Variants in DCT observed in about 807,000 individuals in gnomAD.
DCT encodes dopachrome tautomerase, also known as L-dopachrome tautomerase.
In DCT, 47 loss-of-function variants were observed where a neutral mutation model predicts 53.0. The ratio of observed to expected loss-of-function variants is 0.89; its 90% CI spans 0.70 to 1.13. DCT has a LOEUF of 1.13. Ranked by LOEUF, DCT falls within the 50% of genes most tolerant of loss-of-function variation. DCT has a pLI of 0.00. For synonymous variants in DCT, 244 were observed against 237.0 expected, an observed-to-expected ratio of 1.03 and a Z score of -0.27; for missense variants, 669 against 637.4, an observed-to-expected ratio of 1.05 and a Z score of -0.53.
chr13:94,484,386 T>C (rs1885574961), upstream of DCT, among the ~76,000 whole-genome samples: 1 of 152,230 alleles, frequency 6.6e-6, no homozygotes, highest in Admixed American at 6.5e-5. Flanking sequence ...TAAAGCCTTA[T>C]GTCATTTTCA....
chr13:94,488,723 T>TATACACAC, the DCT span, among the ~76,000 whole-genome samples: 2 of 139,132 alleles, frequency 1.4e-5, no homozygotes, highest in Admixed American at 7.5e-5. Context: ...GTCTAATATA[T>TATACACAC]ACACACACAC....
At chr13:94,509,262 A>G in the DCT span, among the ~76,000 whole-genome samples, 1 of 152,204 alleles carries the variant, frequency 6.6e-6, no homozygotes, top group Non-Finnish European at 1.5e-5. Flanking sequence ...GTGGGAGGCC[A>G]TGCAGTATGG....
At chr13:94,496,223 G>A in the DCT span, among the ~76,000 whole-genome samples, 1 of 152,048 alleles carries the variant, frequency 6.6e-6, no homozygotes, top group Admixed American at 6.6e-5. Context: ...TTAAGATGGA[G>A]TCTCACTGTC....
Position 94,443,563 on chromosome 13 carries a change from A to C in DCT, c.1254T>G (p.Pro418=), listed in dbSNP as rs748267419. The change falls in exon 7 of 8, where the codon CCT becomes CCG. Residue 418 remains proline (P), a synonymous_variant. Transcript: ENST00000377028. ...TGTGACCAATAGGGGCCAGCTCCTG[A>C]GGCCAGGCATCTGCAGGAGGATTAA... ...KRFNPPADAW[P]QELAPIGHNR... is the part of the protein sequence containing the mutation. 1 of 1,613,992 alleles carries C rather than the reference A, an allele frequency of 6.2e-7. No individual in the cohort carries two copies. The highest frequency in any genetic ancestry group is 8.5e-7 in the Non-Finnish European group (1 of 1,179,848).
At chr13:94,462,484 A>T (rs1408423085) in intron 4 of DCT, among the ~76,000 whole-genome samples, 1 of 151,514 alleles carries the variant, frequency 6.6e-6, no homozygotes, top group Non-Finnish European at 1.5e-5. Flanking sequence ...TTAGTGACAG[A>T]GTGAGACCCT....
At chr13:94,510,031 AT>A in the DCT span, among the ~76,000 whole-genome samples, 68,937 of 151,886 alleles carry the variant, frequency 0.45, 16,907 homozygotes, top group African/African-American at 0.63. Flanking sequence ...AATCTTACTC[AT>A]TGGCAGCATC....
chr13:94,503,344 C>T, the DCT span, among the ~76,000 whole-genome samples: 2 of 149,076 alleles, frequency 1.3e-5, no homozygotes, highest in African/African-American at 5.0e-5. Context: ...CACGCCACTG[C>T]ACTGCAGCTA....
chr13:94,449,709 A>G (rs1450663831), intron 6 of DCT, among the ~76,000 whole-genome samples: 2 of 152,234 alleles, frequency 1.3e-5, no homozygotes, highest in Non-Finnish European at 2.9e-5. Flanking sequence ...TCATTCCTAA[A>G]AAATATATTT....
chr13:94,458,961 C>G (rs1012469383), intron 6 of DCT, among the ~76,000 whole-genome samples: 2 of 152,044 alleles, frequency 1.3e-5, no homozygotes, highest in Non-Finnish European at 2.9e-5. Context: ...ACTGCAGCCT[C>G]GACCTCCCAG....
At chr13:94,471,793 C>T (rs946839095) in intron 1 of DCT, among the ~76,000 whole-genome samples, 1 of 152,166 alleles carries the variant, frequency 6.6e-6, no homozygotes, top group Non-Finnish European at 1.5e-5. Context: ...AATGTCTAGT[C>T]ACTTCTCTGC....
At chr13:94,488,795 A>G in the DCT span, among the ~76,000 whole-genome samples, 2 of 150,306 alleles carry the variant, frequency 1.3e-5, no homozygotes, top group East Asian at 1.9e-4. Flanking sequence ...ACATATACAC[A>G]CACATATACA....
chr13:94,544,034 C>CA, the DCT span, among the ~76,000 whole-genome samples: 7,207 of 121,974 alleles, frequency 0.059, 442 homozygotes, highest in African/African-American at 0.19. Flanking sequence ...GACTCTGTCT[C>CA]AAAAAAAAAA....
Position 94,468,835 on chromosome 13 carries a change from G to C in DCT, c.506C>G (p.Pro169Arg). The C allele has an allele frequency of 6.2e-7, 1 of 1,614,140 alleles. No individual in the cohort carries two copies. Among genetic ancestry groups the C allele is most frequent in the Non-Finnish European group, 8.5e-7 (1 of 1,180,010 alleles). The part of the protein sequence containing the change: ...TTQHWLGLLG[P>R]NGTQPQFANC... ...GGCAAACTGCGGCTGGGTTCCATTG[G>C]GCCCAAGCAGGCCCAGCCAGTGTTG... The change falls in exon 2 of 8, where the codon CCC becomes CGC. Residue 169 changes from proline to arginine, a missense_variant. Physicochemically the swap from Pro to Arg is moderately radical, Grantham distance 103. Coordinates refer to ENST00000377028, the MANE Select transcript of DCT (RefSeq NM_001922.5).
At chr13:94,515,533 C>T in the DCT span, among the ~76,000 whole-genome samples, 17 of 152,314 alleles carry the variant, frequency 1.1e-4, no homozygotes, top group South Asian at 3.3e-3. Context: ...AATACTGAAT[C>T]AGTACTTGTC....
the DCT span, among the ~76,000 whole-genome samples, chr13:94,547,839 A>T: frequency 4.0e-5 from 6 of 151,284 alleles, no homozygotes; most frequent in Admixed American, 1.3e-4. Context: ...AAAATGCAGA[A>T]ATTAGCCGGG....
intron 1 of DCT, among the ~76,000 whole-genome samples, chr13:94,469,935 C>T (rs1198993911): frequency 2.6e-5 from 4 of 152,014 alleles, no homozygotes; most frequent in Non-Finnish European, 4.4e-5. Context: ...ATTAGCGGGG[C>T]GTGGTGGTAC....
At chr13:94,473,712 C>T (rs530053256) in intron 1 of DCT, among the ~76,000 whole-genome samples, 7 of 152,202 alleles carry the variant, frequency 4.6e-5, no homozygotes, top group Admixed American at 2.6e-4. Flanking sequence ...GAGTTGCCTC[C>T]AAAAGGCAAT....
chr13:94,526,343 C>T, the DCT span, among the ~76,000 whole-genome samples: 1 of 152,324 alleles, frequency 6.6e-6, no homozygotes, highest in Admixed American at 6.5e-5. Context: ...CAAAGAATTT[C>T]CCAAACTGTA....
chr13:94,512,882 G>A, the DCT span, among the ~76,000 whole-genome samples: 1 of 152,218 alleles, frequency 6.6e-6, no homozygotes, highest in Admixed American at 6.5e-5. Flanking sequence ...GATTAGTGTG[G>A]ATCATTGTAG....
Sources: allele counts gnomAD v4.1 joint callset (sites outside exome capture counted in the v4.1 genomes callset), GRCh38; gene constraint gnomAD v4.1.1; transcripts MANE v1.5; gene names NCBI Gene and HGNC (gene_info 2026-07-23, HGNC 2026-07-21).